CYRIB: variants seen among roughly 807,000 people sequenced by gnomAD.
CYRIB encodes the protein CYFIP-related Rac1 interactor B.
A neutral mutation model predicts 44.2 loss-of-function variants in CYRIB; 8 were observed. That is an observed-to-expected ratio of 0.18 (90% CI 0.11 to 0.33). The LOEUF (loss-of-function observed/expected upper bound fraction) is 0.33, where lower values mean the gene tolerates loss of function less well. Ranked by LOEUF, CYRIB falls within the 10% of genes least tolerant of loss-of-function variation. The pLI is 1.00. For synonymous variants in CYRIB, 131 were observed against 127.2 expected, an observed-to-expected ratio of 1.03 and a Z score of -0.20; for missense variants, 185 against 382.8, an observed-to-expected ratio of 0.48 and a Z score of 4.31.
chr8:129,854,530 C>T (rs996615829), intron 6 of CYRIB, among the ~76,000 whole-genome samples, 187 bp from the exon 9 acceptor site: 7 of 152,104 alleles, frequency 4.6e-5, no homozygotes, highest in South Asian at 2.1e-4. Flanking sequence ...ACATATAAAA[C>T]GAAAGACCAC....
intron 1 of CYRIB, among the ~76,000 whole-genome samples, chr8:129,904,208 A>C (rs372038886): frequency 3.3e-5 from 5 of 151,954 alleles, no homozygotes; most frequent in African/African-American, 9.7e-5. Flanking sequence ...TCATGTTTTC[A>C]CTCTAGCTGA....
chr8:129,994,338 G>A (rs952493102), intron 1 of CYRIB, among the ~76,000 whole-genome samples: 6 of 152,166 alleles, frequency 3.9e-5, no homozygotes, highest in Non-Finnish European at 8.8e-5. Flanking sequence ...CGGCACCTTC[G>A]CCTTGGACTG....
At chr8:129,991,972 A>AAAC (rs71302388) in intron 1 of CYRIB, among the ~76,000 whole-genome samples, 7 of 120,066 alleles carry the variant, frequency 5.8e-5, no homozygotes, top group Non-Finnish European at 1.3e-4. Context: ...AAAAAAAAAA[A>AAAC]CAATAGGAAG....
chr8:129,845,136 T>G (rs1320434375), intron 11 of CYRIB, among the ~76,000 whole-genome samples: 1 of 152,230 alleles, frequency 6.6e-6, no homozygotes, highest in Non-Finnish European at 1.5e-5. Context: ...ACTGGTCTCC[T>G]CTGCTTTCAT....
In CYRIB at chr8:129,967,441, G is replaced by A. The variant is rs189804434; in HGVS notation, c.-243+3502C>T. Among the ~76,000 whole-genome samples, 332 of 151,098 alleles carry A rather than the reference G, an allele frequency of 2.2e-3. 1 individual carries two copies. The highest frequency in any genetic ancestry group is 7.3e-3 in the African/African-American group (300 of 41,136). ...GTCGCCCAGGCTGGAGTGCAGTGGC[G>A]CGATCTCGGCTCACTGCAAACTCCA... is the stretch of plus-strand genomic sequence containing the variant. On this transcript the variant is annotated intron_variant, in intron 2 of 14. Coordinates refer to the CYRIB transcript ENST00000401979.
chr8:129,927,246 T>C (rs2088372024), intron 1 of CYRIB, among the ~76,000 whole-genome samples: 2 of 152,066 alleles, frequency 1.3e-5, no homozygotes, highest in Admixed American at 1.3e-4. Flanking sequence ...GAGCCGAGAT[T>C]GCGCCACTGC....
rs886069196 is a variant in CYRIB, at chr8:129,878,836, C to T, written c.73+553G>A. On this transcript the variant is annotated intron_variant, in intron 3 of 11. Coordinates refer to ENST00000519824, the Ensembl canonical transcript of CYRIB. ...CATTTAGAGTCAGAAAAAATAAATTCCTGAAATAAATACATTCTATTTTTT... is the reference window on the plus strand; with the variant it reads ...CATTTAGAGTCAGAAAAAATAAATTTCTGAAATAAATACATTCTATTTTTT... Among the ~76,000 whole-genome samples, 4 of 152,002 alleles carry T rather than the reference C, an allele frequency of 2.6e-5. No homozygotes were observed. In the East Asian group the frequency reaches 7.7e-4, roughly 29 times the overall value.
At chr8:129,862,434 A>G in intron 4 of CYRIB, 100 bp from the exon 7 acceptor site, 1 of 874,632 alleles carries the variant, frequency 1.1e-6, no homozygotes, top group Non-Finnish European at 1.8e-6. Context: ...AAACACTGGT[A>G]TAATCCATAA....
intron 1 of CYRIB, among the ~76,000 whole-genome samples, chr8:129,986,956 G>A (rs1395286313): frequency 1.3e-5 from 2 of 152,118 alleles, no homozygotes; most frequent in Non-Finnish European, 2.9e-5. Context: ...GACAGTCAAA[G>A]CACGGAACCT....
intron 3 of CYRIB, among the ~76,000 whole-genome samples, chr8:129,876,217 A>AC (rs2059082759): frequency 6.6e-6 from 1 of 152,130 alleles, no homozygotes; most frequent in South Asian, 2.1e-4. Context: ...AATTTAAGTA[A>AC]AACTGAGTTT....
At chr8:129,946,911 G>A (rs2094180411) in intron 2 of CYRIB, among the ~76,000 whole-genome samples, 1 of 152,084 alleles carries the variant, frequency 6.6e-6, no homozygotes, top group Non-Finnish European at 1.5e-5. Flanking sequence ...TCAGCCTTCG[G>A]ATTCAAAGCA....
At chr8:129,995,652 G>A (rs1471795954) in intron 1 of CYRIB, among the ~76,000 whole-genome samples, 1 of 152,228 alleles carries the variant, frequency 6.6e-6, no homozygotes, top group Non-Finnish European at 1.5e-5. Flanking sequence ...CTGTCATGGA[G>A]GGTTAGAGGT....
Position 129,879,137 on chromosome 8 carries a change from G to A in CYRIB, c.73+252C>T, listed in dbSNP as rs550452529. On this transcript the variant is annotated intron_variant, in intron 3 of 11. Coordinates refer to ENST00000519824, the Ensembl canonical transcript of CYRIB. ...AAATGTTTTCATTAGAGAATAGATC[G>A]TAAATTACAAAATAATCTCCAACTA... is the stretch of plus-strand genomic sequence containing the variant. Among the ~76,000 whole-genome samples, 25 of 152,084 alleles carry A rather than the reference G, an allele frequency of 1.6e-4. No homozygotes were observed. The South Asian group carries it at 1.9e-3, about 11-fold the overall frequency.
chr8:129,862,726 C>G (rs1237117756), intron 4 of CYRIB, among the ~76,000 whole-genome samples: 1 of 152,170 alleles, frequency 6.6e-6, no homozygotes, highest in Non-Finnish European at 1.5e-5. Context: ...CCCACCTTGG[C>G]CTCCCAAAGT....
At chr8:129,988,072 G>T (rs1245276384) in intron 1 of CYRIB, among the ~76,000 whole-genome samples, 2 of 152,152 alleles carry the variant, frequency 1.3e-5, no homozygotes, top group East Asian at 1.9e-4. Context: ...TTTAATGAGC[G>T]CCTGGATGCA....
At chr8:129,962,459 A>G (rs1322709961) in intron 2 of CYRIB, among the ~76,000 whole-genome samples, 3 of 152,106 alleles carry the variant, frequency 2.0e-5, no homozygotes, top group African/African-American at 7.2e-5. Flanking sequence ...ATGAAATAAC[A>G]TAAATTAAAA....
intron 1 of CYRIB, among the ~76,000 whole-genome samples, chr8:130,013,655 A>G (rs1307009414): frequency 6.6e-6 from 1 of 152,204 alleles, no homozygotes; most frequent in Non-Finnish European, 1.5e-5. Context: ...AATGCTGAGC[A>G]CGGGTGAGGC....
intron 3 of CYRIB, among the ~76,000 whole-genome samples, chr8:129,878,024 A>T (rs1167105125): frequency 1.3e-5 from 2 of 152,234 alleles, no homozygotes; most frequent in Non-Finnish European, 2.9e-5. Flanking sequence ...TCTGCTCGAC[A>T]TCCTCAAGCT....
chr8:129,917,591 C>T (rs1286489066), intron 1 of CYRIB, among the ~76,000 whole-genome samples: 1 of 152,142 alleles, frequency 6.6e-6, no homozygotes, highest in Non-Finnish European at 1.5e-5. Flanking sequence ...GGTGCAGTGG[C>T]TCAAGGCCTG....
Sources: gnomAD v4.1 joint callset for allele counts (sites outside exome capture counted in the v4.1 genomes callset) on GRCh38, gnomAD v4.1.1 for gene constraint, MANE v1.5 for transcripts, NCBI Gene and HGNC (gene_info 2026-07-23, HGNC 2026-07-21) for gene names.